Variants in FHIT observed in about 807,000 individuals in gnomAD.
The protein encoded by FHIT is bis(5'-adenosyl)-triphosphatase.
FHIT carries 19 observed loss-of-function variants against 17.9 expected under a neutral mutation model. The observed-to-expected ratio is 1.06, with a 90% CI of 0.74 to 1.56. The LOEUF (loss-of-function observed/expected upper bound fraction) is 1.56, where lower values mean the gene tolerates loss of function less well. FHIT is among the 40% of genes most tolerant of loss of function. FHIT has a pLI of 0.00. For synonymous variants in FHIT, 81 were observed against 69.7 expected (o/e 1.16, Z -0.81); for missense variants, 248 against 189.2 (o/e 1.31, Z -1.82).
At chr3:60,560,943 C>G (rs113612644) in intron 4 of FHIT, among the ~76,000 whole-genome samples, 2 of 151,550 alleles carry the variant, frequency 1.3e-5, no homozygotes, top group African/African-American at 4.9e-5. Context: ...AAGTCCCTTC[C>G]TGTGAAAAGA....
At chr3:60,789,423 C>A (rs538393595) in intron 4 of FHIT, among the ~76,000 whole-genome samples, 2 of 152,274 alleles carry the variant, frequency 1.3e-5, no homozygotes, top group African/African-American at 4.8e-5. Context: ...GAGGCTGAGG[C>A]AGGAGGATCA....
chr3:59,960,927 G>C lies in FHIT; in HGVS notation c.280-38513C>G, dbSNP rs114962333. Among the ~76,000 whole-genome samples the C allele has an allele frequency of 2.3e-3, 347 of 152,260 alleles. 1 individual carries two copies. Among genetic ancestry groups the C allele is most frequent in the Non-Finnish European group, 3.7e-3 (252 of 68,016 alleles). ...CAAATGGTCAAATTATCCTGACAGC[G>C]AACCCAGCAAGGAATAGATTAAATT... On this transcript the variant is annotated intron_variant, in intron 7 of 9. Coordinates refer to ENST00000492590, the MANE Select transcript of FHIT (RefSeq NM_002012.4).
At chr3:59,908,160 G>A (rs775595622) in intron 8 of FHIT, among the ~76,000 whole-genome samples, 4 of 152,204 alleles carry the variant, frequency 2.6e-5, no homozygotes, top group Non-Finnish European at 5.9e-5. Context: ...CTATTATTTG[G>A]TCTTCCACAG....
At chr3:59,948,530 TAAAA>T (rs199516436) in intron 7 of FHIT, among the ~76,000 whole-genome samples, 58 of 149,858 alleles carry the variant, frequency 3.9e-4, no homozygotes, top group African/African-American at 1.2e-3. Flanking sequence ...AAAATAAAAA[TAAAA>T]AAAAATAAAT....
intron 1 of FHIT, among the ~76,000 whole-genome samples, chr3:61,212,582 G>T (rs1298518659): frequency 1.3e-5 from 2 of 152,180 alleles, no homozygotes; most frequent in Non-Finnish European, 2.9e-5. Context: ...CACTCTGCAG[G>T]ATATTATCCA....
intron 3 of FHIT, among the ~76,000 whole-genome samples, chr3:60,950,545 C>T (rs1293144215): frequency 6.8e-6 from 1 of 147,654 alleles, no homozygotes; most frequent in Admixed American, 6.9e-5. Flanking sequence ...GAGATGGAGT[C>T]TGACTCTGTC....
At chr3:60,226,028 T>C (rs1176324384) in intron 5 of FHIT, among the ~76,000 whole-genome samples, 1 of 152,066 alleles carries the variant, frequency 6.6e-6, no homozygotes, top group Non-Finnish European at 1.5e-5. Flanking sequence ...CTAAGCTATT[T>C]AGCAGAGCAG....
chr3:59,946,072 G>T (rs1033769921), intron 7 of FHIT, among the ~76,000 whole-genome samples: 2 of 152,146 alleles, frequency 1.3e-5, no homozygotes, highest in African/African-American at 4.8e-5. Flanking sequence ...AAGTCACGTT[G>T]GTAGTTTGAT....
intron 4 of FHIT, among the ~76,000 whole-genome samples, chr3:60,619,943 AT>A (rs111949080): frequency 0.018 from 2,701 of 152,152 alleles, 104 homozygotes; most frequent in African/African-American, 0.062. Context: ...TATCCAAAAT[AT>A]TTTTTTTAAA....
chr3:60,434,490 C>T (rs1205470051), intron 5 of FHIT, among the ~76,000 whole-genome samples: 1 of 152,076 alleles, frequency 6.6e-6, no homozygotes, highest in Non-Finnish European at 1.5e-5. Flanking sequence ...ATCAATCTCA[C>T]ACAGCAGGGT....
At chr3:59,801,405 A>T (rs1699988112) in intron 8 of FHIT, among the ~76,000 whole-genome samples, 1 of 151,914 alleles carries the variant, frequency 6.6e-6, no homozygotes, top group South Asian at 2.1e-4. Context: ...AAAAGACTGG[A>T]TGCCAATACA....
At chr3:60,052,826 T>A (rs1701936119) in intron 5 of FHIT, among the ~76,000 whole-genome samples, 1 of 149,262 alleles carries the variant, frequency 6.7e-6, no homozygotes, top group Admixed American at 6.7e-5. Flanking sequence ...ATTACACATA[T>A]AATTTTTTCT....
At chr3:60,390,648 G>C (rs1467300784) in intron 5 of FHIT, among the ~76,000 whole-genome samples, 1 of 152,038 alleles carries the variant, frequency 6.6e-6, no homozygotes, top group Non-Finnish European at 1.5e-5. Context: ...GTGGAAGACA[G>C]TGATATTGAT....
intron 5 of FHIT, among the ~76,000 whole-genome samples, chr3:60,027,141 AC>A (rs200599476): frequency 0.058 from 7,517 of 128,586 alleles, 448 homozygotes; most frequent in Admixed American, 0.13. Context: ...ACACACACAC[AC>A]ACACACAAAA....
At chr3:60,189,533 G>A (rs1702308081) in intron 5 of FHIT, among the ~76,000 whole-genome samples, 1 of 152,128 alleles carries the variant, frequency 6.6e-6, no homozygotes, top group South Asian at 2.1e-4. Context: ...CTTATAAGTA[G>A]ATTACAAATG....
At chr3:59,984,214 C>T (rs141123233) in intron 7 of FHIT, among the ~76,000 whole-genome samples, 2 of 152,010 alleles carry the variant, frequency 1.3e-5, no homozygotes, top group Non-Finnish European at 2.9e-5. Context: ...ATGCCTTAGA[C>T]TGAATTTCTC....
In FHIT at chr3:60,863,460, A is replaced by T. The variant is rs1017815634; in HGVS notation, c.-110-41449T>A. On this transcript the variant is annotated intron_variant, in intron 3 of 9. Coordinates refer to ENST00000492590, the MANE Select transcript of FHIT (RefSeq NM_002012.4). ...TAGTTTGTTATGACAGTAATAGAAG[A>T]CTAATAAACCATTATGCATTAAATA... Among the ~76,000 whole-genome samples the T allele has an allele frequency of 2.6e-5, 4 of 152,208 alleles. No homozygotes were observed. The East Asian group carries it at 7.7e-4, about 29-fold the overall frequency.
intron 5 of FHIT, among the ~76,000 whole-genome samples, chr3:60,519,040 G>T (rs193229633): frequency 3.3e-5 from 5 of 152,224 alleles, no homozygotes; most frequent in African/African-American, 1.2e-4. Context: ...TAAAACGTCA[G>T]AAAAATGTCA....
rs1040970656 is a variant in FHIT at position 60,804,132 on chromosome 3, A to T, written c.-18+17787T>A. Among the ~76,000 whole-genome samples the T allele has an allele frequency of 5.9e-5, 9 of 152,174 alleles. No homozygotes were observed. In the East Asian group the frequency reaches 1.7e-3, roughly 29 times the overall value. ...TTCATAACCCTGTCCTAGGCTAACC[A>T]TGGCAGCAGAGAGCCTGAAAAACAC... On this transcript the variant is annotated intron_variant, in intron 4 of 9. Transcript: ENST00000492590.
Sources: allele counts gnomAD v4.1 joint callset (sites outside exome capture counted in the v4.1 genomes callset), GRCh38; gene constraint gnomAD v4.1.1; transcripts MANE v1.5; gene names NCBI Gene and HGNC (gene_info 2026-07-23, HGNC 2026-07-21).